The following CFAP77 variants were observed in gnomAD, a reference collection of about 807,000 sequenced individuals.
CFAP77 encodes cilia and flagella associated protein 77.
In CFAP77, 25 loss-of-function variants were observed where a neutral mutation model predicts 31.1. The observed-to-expected ratio is 0.80, with a 90% confidence interval of 0.59 to 1.12. The LOEUF is 1.12. Ranked by LOEUF, CFAP77 falls within the 50% of genes most tolerant of loss-of-function variation. CFAP77 has a pLI of 0.00. For synonymous variants in CFAP77, 151 were observed against 159.9 expected (o/e 0.94, Z 0.42); for missense variants, 377 against 397.3 (o/e 0.95, Z 0.44).
chr9:132,466,184 T>C (rs1851148334), intron 1 of CFAP77, among the ~76,000 whole-genome samples: 1 of 152,184 alleles, frequency 6.6e-6, no homozygotes, highest in African/African-American at 2.4e-5. Flanking sequence ...CAAGCAATCC[T>C]CACTCCTAAG....
chr9:132,518,825 A>G lies in CFAP77; in HGVS notation c.525-18776A>G, dbSNP rs1273434373. 2.0e-5 allele frequency among the ~76,000 whole-genome samples: 3 copies of G among 152,200 alleles called. No homozygotes were observed. The East Asian group carries it at 5.8e-4, about 29-fold the overall frequency. On this transcript the variant is annotated intron_variant, in intron 3 of 5. Transcript: ENST00000393216. ...CCTTTCTCTCCTCTGAGCTCCGGCC[A>G]CACTGCAGGTGGCTGTCTACACTGG...
chr9:132,538,803 C>T (rs1852589863), intron 4 of CFAP77, among the ~76,000 whole-genome samples: 1 of 150,600 alleles, frequency 6.6e-6, no homozygotes, highest in South Asian at 2.1e-4. Context: ...AATGGTACTT[C>T]CTGGCTGGGT....
chr9:132,556,209 G>A (rs1852903348), intron 5 of CFAP77, among the ~76,000 whole-genome samples: 1 of 152,132 alleles, frequency 6.6e-6, no homozygotes, highest in Non-Finnish European at 1.5e-5. Flanking sequence ...CACCTCAGCA[G>A]GGCCTCCGTC....
At chr9:132,559,675 T>G (rs1028771038) in intron 5 of CFAP77, among the ~76,000 whole-genome samples, 1 of 152,142 alleles carries the variant, frequency 6.6e-6, no homozygotes, top group Non-Finnish European at 1.5e-5. Context: ...ATTCTACTCT[T>G]AGGTATACAC....
chr9:132,456,161 A>T (rs1370276389), intron 1 of CFAP77, among the ~76,000 whole-genome samples: 1 of 152,148 alleles, frequency 6.6e-6, no homozygotes, highest in African/African-American at 2.4e-5. Context: ...GTTACATTTG[A>T]ATGGAGAAAG....
chr9:132,432,488 G>A (rs1234091717), intron 1 of CFAP77, among the ~76,000 whole-genome samples: 1 of 151,438 alleles, frequency 6.6e-6, no homozygotes, highest in Non-Finnish European at 1.5e-5. Flanking sequence ...CTTGCTAGCT[G>A]CATAACCTCA....
At chr9:132,438,354 T>A (rs983637891) in intron 1 of CFAP77, among the ~76,000 whole-genome samples, 1 of 151,414 alleles carries the variant, frequency 6.6e-6, no homozygotes, top group Non-Finnish European at 1.5e-5. Flanking sequence ...TTCCTGATAC[T>A]TAATGATTGG....
intron 3 of CFAP77, among the ~76,000 whole-genome samples, chr9:132,512,195 G>T (rs1225021658): frequency 6.6e-6 from 1 of 152,178 alleles, no homozygotes; most frequent in Admixed American, 6.5e-5. Context: ...GGTGGCCCCA[G>T]GTGTTCCTTG....
Position 132,545,156 on chromosome 9 carries a change from C to T in CFAP77, c.732+2109C>T, listed in dbSNP as rs1852712613. On this transcript the variant is annotated intron_variant, in intron 5 of 5. Transcript: ENST00000393216. The surrounding 1 kb of genome is among the most constrained non-coding windows in gnomAD (Gnocchi z 4.6). ...TTTCCAAAGAGGGGATTTGACTCAG[C>T]TGACCATGGGTCTGCCAGTCTTGAG... Among the ~76,000 whole-genome samples, 2 of 152,252 alleles carry T rather than the reference C, an allele frequency of 1.3e-5. No homozygotes were observed. The highest frequency in any genetic ancestry group is 2.9e-5 in the Non-Finnish European group (2 of 68,050).
At chr9:132,433,800 G>A (rs949807013) in intron 1 of CFAP77, among the ~76,000 whole-genome samples, 4 of 151,418 alleles carry the variant, frequency 2.6e-5, no homozygotes, top group Middle Eastern at 3.2e-3. Context: ...CACCCGCCTC[G>A]GCCTCCCAAA....
At chr9:132,459,705 T>C (rs1851008581) in intron 1 of CFAP77, among the ~76,000 whole-genome samples, 1 of 151,780 alleles carries the variant, frequency 6.6e-6, no homozygotes. Flanking sequence ...TGTGTTTGTG[T>C]ATGTGTGTTT....
In CFAP77 at chr9:132,429,615, C is replaced by T. The variant is rs189202591; in HGVS notation, c.195+19149C>T. 4.9e-3 allele frequency among the ~76,000 whole-genome samples: 708 copies of T among 143,516 alleles called. 3 individuals are homozygous for T. The highest frequency in any genetic ancestry group is 9.9e-3 in the Admixed American group (139 of 14,006). The allele number at this position is 143,516 out of a possible 152,430, so 94.2% of individuals were successfully genotyped here. A position where few individuals can be genotyped will look rare whatever the true frequency, so the allele number is the denominator to read the frequency against. ...ATCCCAGCACTTTGGGAGGCCAAGG[C>T]GGGTGGATCACAAGGTCAGGAGATC... On this transcript the variant is annotated intron_variant, in intron 1 of 5. Transcript: ENST00000393216.
At chr9:132,519,426 GA>G in intron 3 of CFAP77, among the ~76,000 whole-genome samples, 1 of 137,036 alleles carries the variant, frequency 7.3e-6, no homozygotes, top group Non-Finnish European at 1.6e-5. Flanking sequence ...ATGGATGGAT[GA>G]GTGGGTGGGT....
At position 132,498,601 on chromosome 9, in the gene CFAP77, A is replaced by C. The variant is rs989284416; in HGVS notation, c.196-94A>C. The C allele has an allele frequency of 2.1e-6, 2 of 931,520 alleles. No individual in the cohort carries two copies. Among genetic ancestry groups the C allele is most frequent in the Admixed American group, 4.2e-5 (2 of 48,186 alleles). The allele number at this position is 931,520 out of a possible 1,614,324, so 57.7% of individuals were successfully genotyped here. ...AAGGCCACGGCAGGGCCTGGGGGAA[A>C]TGCAGGCATCTGGTGCCTCCCTGCT... On this transcript the variant is annotated intron_variant, in intron 1 of 5. Coordinates refer to ENST00000393216, the MANE Select transcript of CFAP77 (RefSeq NM_001282957.2). This position sits in a 1 kb window ranked among gnomAD's most constrained non-coding sequence, Gnocchi z 4.2.
At chr9:132,518,154 T>C (rs181499859) in intron 3 of CFAP77, among the ~76,000 whole-genome samples, 2 of 151,958 alleles carry the variant, frequency 1.3e-5, no homozygotes, top group Admixed American at 6.5e-5. Context: ...TTCCAAACAG[T>C]AGAAACAGCA....
rs759618701 is a variant in CFAP77, at chr9:132,511,745, G to A, written c.524+12145G>A. 3.3e-5 allele frequency among the ~76,000 whole-genome samples: 5 copies of A among 152,126 alleles called. No individual in the cohort carries two copies. Among genetic ancestry groups the A allele is most frequent in the African/African-American group, 9.7e-5 (4 of 41,442 alleles). On this transcript the variant is annotated intron_variant, in intron 3 of 5. Coordinates refer to ENST00000393216, the MANE Select transcript of CFAP77 (RefSeq NM_001282957.2). The surrounding 1 kb of genome is among the most constrained non-coding windows in gnomAD (Gnocchi z 5.8). ...GGGTTTCTGAAACAAATTACCACAC[G>A]TTCAATGGCTTAAAATAACAAAAAT...
At chr9:132,422,638 G>A (rs1402293480) in intron 1 of CFAP77, among the ~76,000 whole-genome samples, 1 of 152,194 alleles carries the variant, frequency 6.6e-6, no homozygotes, top group Non-Finnish European at 1.5e-5. Context: ...CTGCAGTGAA[G>A]CAGCAGGGAA....
intron 3 of CFAP77, among the ~76,000 whole-genome samples, chr9:132,521,183 C>A (rs1374368131): frequency 6.6e-6 from 1 of 152,136 alleles, no homozygotes; most frequent in African/African-American, 2.4e-5. Context: ...CCTGACATGC[C>A]GACTTAATGG....
intron 3 of CFAP77, among the ~76,000 whole-genome samples, chr9:132,536,745 T>G (rs1365187766): frequency 6.6e-6 from 1 of 152,162 alleles, no homozygotes; most frequent in Non-Finnish European, 1.5e-5. Context: ...GGATATTCCG[T>G]CTCTCAACCT....
Sources: allele counts gnomAD v4.1 joint callset (sites outside exome capture counted in the v4.1 genomes callset), GRCh38; gene constraint gnomAD v4.1.1; non-coding constraint Gnocchi (gnomAD v3.1); transcripts MANE v1.5; gene names NCBI Gene and HGNC (gene_info 2026-07-23, HGNC 2026-07-21).